KIAA0319L: variants seen among roughly 807,000 people sequenced by gnomAD.
The protein encoded by KIAA0319L is dyslexia-associated protein KIAA0319-like protein.
KIAA0319L carries 55 observed loss-of-function variants against 120.1 expected under a neutral mutation model. That is an observed-to-expected ratio of 0.46 (90% confidence interval 0.37 to 0.57). The LOEUF is 0.57. Among genes scored for constraint, KIAA0319L ranks in the 20% least tolerant of loss-of-function variants. The pLI is 0.00. For synonymous variants in KIAA0319L, 398 were observed against 471.9 expected, an observed-to-expected ratio of 0.84 and a Z score of 2.03; for missense variants, 1,049 against 1,255.3, an observed-to-expected ratio of 0.84 and a Z score of 2.48.
intron 2 of KIAA0319L, among the ~76,000 whole-genome samples, chr1:35,553,580 T>C (rs116006833): frequency 0.011 from 1,715 of 152,366 alleles, 43 homozygotes; most frequent in African/African-American, 0.039. Flanking sequence ...TGATTAGTTA[T>C]CCCAGATGGT....
At chr1:35,462,952 G>C (rs1260360648) in intron 7 of KIAA0319L, among the ~76,000 whole-genome samples, 1 of 152,086 alleles carries the variant, frequency 6.6e-6, no homozygotes, top group Non-Finnish European at 1.5e-5. Context: ...AGGGATTAGA[G>C]CCTCAAAAGG....
rs577106391 is a variant in KIAA0319L at position 35,520,420 on chromosome 1, G to T, written c.143-13285C>A. 1.2e-4 allele frequency among the ~76,000 whole-genome samples: 18 copies of T among 151,948 alleles called. 2 individuals carry two copies. The highest frequency in any genetic ancestry group is 3.9e-4 in the African/African-American group (16 of 41,458). ...GCCTCTTTTTTTTCTTTAAGACAGGGTCTCATCCTGTCACCCACACTGAAG... is the reference window on the plus strand; with the variant it reads ...GCCTCTTTTTTTTCTTTAAGACAGGTTCTCATCCTGTCACCCACACTGAAG... On this transcript the variant is annotated intron_variant, in intron 2 of 20. Coordinates refer to ENST00000325722, the MANE Select transcript of KIAA0319L (RefSeq NM_024874.5).
chr1:35,450,668 T>C (rs1220794088), intron 13 of KIAA0319L, among the ~76,000 whole-genome samples, 159 bp from the exon 14 acceptor site: 1 of 152,104 alleles, frequency 6.6e-6, no homozygotes, highest in African/African-American at 2.4e-5. Context: ...AGATGAAAGC[T>C]ACCAGCGCTG....
chr1:35,510,452 C>G (rs1645387518), intron 2 of KIAA0319L: 1 of 149,958 alleles, frequency 6.7e-6, no homozygotes, highest in Non-Finnish European at 1.5e-5. Context: ...CACGCCTGGT[C>G]AAAACTGTCC....
rs574948019 is a variant in KIAA0319L at position 35,530,799 on chromosome 1, A to ATT, written c.142+23550_142+23551insAA. Among the ~76,000 whole-genome samples the ATT allele has an allele frequency of 2.0e-4, 31 of 152,148 alleles. No individual in the cohort carries two copies. The East Asian group carries it at 5.0e-3, about 25-fold the overall frequency. ...TAGGGCACTTTGGCTTTGATTCTGGATGCATGCGGCAGTGTAGTCTCCATA... is the reference window on the plus strand; with the variant it reads ...TAGGGCACTTTGGCTTTGATTCTGGATTTGCATGCGGCAGTGTAGTCTCCATA... On this transcript the variant is annotated intron_variant, in intron 2 of 20. Coordinates refer to ENST00000325722, the MANE Select transcript of KIAA0319L (RefSeq NM_024874.5).
chr1:35,466,617 CTG>C lies in KIAA0319L; in HGVS notation c.1190_1191del (p.Thr397SerfsTer7). On this transcript the variant is annotated frameshift_variant, in exon 7 of 21. Coordinates refer to ENST00000325722, the MANE Select transcript of KIAA0319L (RefSeq NM_024874.5). LOFTEE classifies it high-confidence loss of function. ...NAHGEGYVNV[T>X]VKPEPRKNRP... ...AGGGCTGAAAACATACCTGGCTTGA[CTG>C]TCACGTTCACATAGCCTTCCCCATG... The C allele has an allele frequency of 6.2e-7, 1 of 1,612,010 alleles. No individual in the cohort carries two copies. Among genetic ancestry groups the C allele is most frequent in the Admixed American group, 1.7e-5 (1 of 60,014 alleles).
At chr1:35,443,080 C>G (rs1558268704) in intron 17 of KIAA0319L, 52 bp from the exon 18 acceptor site, 1 of 1,611,434 alleles carries the variant, frequency 6.2e-7, no homozygotes, top group Non-Finnish European at 8.5e-7. Flanking sequence ...CCAGGGGTGA[C>G]AAGCAGCACC....
intron 20 of KIAA0319L, among the ~76,000 whole-genome samples, chr1:35,438,117 C>T (rs966706853): frequency 6.6e-6 from 1 of 152,222 alleles, no homozygotes; most frequent in African/African-American, 2.4e-5. Flanking sequence ...TTATCCAAGA[C>T]TTTGCTTCCC....
chr1:35,434,453 C>A lies in KIAA0319L; in HGVS notation c.*441G>T, dbSNP rs1008424507. 6.4e-6 allele frequency: 1 copy of A among 155,796 alleles called. No individual in the cohort carries two copies. The highest frequency in any genetic ancestry group is 1.4e-5 in the Non-Finnish European group (1 of 70,828). The allele number at this position is 155,796 out of a possible 1,614,324, so 9.7% of individuals were successfully genotyped here. Reference sequence around the variant, plus strand: ...GGGGTGCCACTTCCTCTTTGCCCAGCGAGAGGGCGTACTCTACCCCAGAGA... The same window carrying A: ...GGGGTGCCACTTCCTCTTTGCCCAGAGAGAGGGCGTACTCTACCCCAGAGA... On this transcript the variant is annotated 3_prime_UTR_variant, in exon 21 of 21. Coordinates refer to ENST00000325722, the MANE Select transcript of KIAA0319L (RefSeq NM_024874.5).
chr1:35,442,448 A>G, intron 18 of KIAA0319L, 112 bp from the exon 19 acceptor site: 1 of 794,762 alleles, frequency 1.3e-6, no homozygotes, highest in Non-Finnish European at 2.2e-6. Context: ...AGAATGCCTC[A>G]GGCTCCCCAG....
rs141066220 is a variant in KIAA0319L, at chr1:35,530,099, G to A, written c.143-22964C>T. Among the ~76,000 whole-genome samples, 912 of 151,384 alleles carry A rather than the reference G, an allele frequency of 6.0e-3. 10 individuals are homozygous for A. The highest frequency in any genetic ancestry group is 0.021 in the African/African-American group (867 of 41,184). ...CACTCAGGCTGGAGTGCAGTGGCAC[G>A]ATCACAATTCACTGCACCCTCAGCC... On this transcript the variant is annotated intron_variant, in intron 2 of 20. Transcript: ENST00000325722.
chr1:35,484,767 C>CATATATATATATAT (rs56318513), intron 3 of KIAA0319L, among the ~76,000 whole-genome samples: 1 of 51,536 alleles, frequency 1.9e-5, no homozygotes, highest in Non-Finnish European at 3.5e-5. Flanking sequence ...AGTTTTTAAT[C>CATATATATATATAT]ATATATATAT....
chr1:35,496,863 C>T (rs755396607), intron 3 of KIAA0319L, among the ~76,000 whole-genome samples: 5 of 147,444 alleles, frequency 3.4e-5, no homozygotes, highest in African/African-American at 1.3e-4. Context: ...ACAAGAATCA[C>T]TTGAACCCTG....
chr1:35,510,976 G>C (rs1214032303), intron 2 of KIAA0319L: 1 of 152,102 alleles, frequency 6.6e-6, no homozygotes, highest in African/African-American at 2.4e-5. Context: ...CTTTGTTGGA[G>C]CATCAGAAAA....
At chr1:35,443,153 C>T (rs1401049617) in intron 17 of KIAA0319L, 125 bp from the exon 18 acceptor site, 11 of 1,160,422 alleles carry the variant, frequency 9.5e-6, no homozygotes, top group Non-Finnish European at 1.3e-5. Context: ...GTCCTCGAGA[C>T]CCACCTTGGG....
At chr1:35,444,335 G>C in intron 16 of KIAA0319L, 32 bp from the exon 17 acceptor site, 1 of 1,561,406 alleles carries the variant, frequency 6.4e-7, no homozygotes. Context: ...CTAATGAGCT[G>C]AAGCGGTCCA....
rs545870704 is a variant in KIAA0319L at position 35,518,660 on chromosome 1, A to G, written c.143-11525T>C. On this transcript the variant is annotated intron_variant, in intron 2 of 20. Transcript: ENST00000325722. Reference sequence around the variant, plus strand: ...CTGTAAAACAAACCCCTGTGACACGAGTTTACTTATATAACAAACCTTCAG... The same window carrying G: ...CTGTAAAACAAACCCCTGTGACACGGGTTTACTTATATAACAAACCTTCAG... Among the ~76,000 whole-genome samples, 3 of 152,262 alleles carry G rather than the reference A, an allele frequency of 2.0e-5. No homozygotes were observed. In the South Asian group the frequency reaches 6.2e-4, roughly 32 times the overall value.
rs1386028206 is a variant in KIAA0319L at position 35,474,860 on chromosome 1, G to C, written c.960C>G (p.Thr320=). 5.6e-6 allele frequency: 9 copies of C among 1,611,052 alleles called. No individual in the cohort carries two copies. The highest frequency in any genetic ancestry group is 1.6e-4 in the Middle Eastern group (1 of 6,078). The change falls in exon 5 of 21, where the codon ACC becomes ACG. Residue 320 remains threonine, a synonymous_variant. Transcript: ENST00000325722. ...VVSAGESVQI[T]LPKNEVQLNA... ...TTAATTGAACTTCATTCTTAGGCAG[G>C]GTTATCTGGACACTCTCTCCAGCAG...
chr1:35,536,761 G>A (rs1314403680), intron 2 of KIAA0319L, among the ~76,000 whole-genome samples: 3 of 151,970 alleles, frequency 2.0e-5, no homozygotes, highest in Non-Finnish European at 4.4e-5. Context: ...AATCACTGGT[G>A]TAGCTGAAAA....
Sources: gnomAD v4.1 joint callset for allele counts (sites outside exome capture counted in the v4.1 genomes callset) on GRCh38, gnomAD v4.1.1 for gene constraint, MANE v1.5 for transcripts, NCBI Gene and HGNC (gene_info 2026-07-23, HGNC 2026-07-21) for gene names.